The following SPATA17 variants were observed in gnomAD, a reference collection of about 807,000 sequenced individuals.
SPATA17 encodes the protein spermatogenesis-associated protein 17.
A neutral mutation model predicts 62.2 loss-of-function variants in SPATA17; 53 were observed. That is an observed-to-expected ratio of 0.85 (90% CI 0.68 to 1.07). SPATA17 has a LOEUF of 1.07. Ranked by LOEUF, SPATA17 falls within the 50% of genes least tolerant of loss-of-function variation. The pLI is 0.00. For synonymous variants in SPATA17, 146 were observed against 146.8 expected (o/e 0.99, Z 0.04); for missense variants, 466 against 425.5 (o/e 1.10, Z -0.84).
Position 217,835,257 on chromosome 1 carries a change from T to C in SPATA17, c.1006-27517T>C, listed in dbSNP as rs74766183. Among the ~76,000 whole-genome samples the C allele has an allele frequency of 5.1e-3, 783 of 152,284 alleles. 8 individuals are homozygous for C. The highest frequency in any genetic ancestry group is 0.018 in the African/African-American group (751 of 41,572). ...TTGTACTTAAGTCATTGCATTTATG[T>C]GTTTCGGGGTCTGCATTGTTGATGT... On this transcript the variant is annotated intron_variant, in intron 9 of 10. Transcript: ENST00000366933.
chr1:217,763,186 G>T (rs1425830065), intron 6 of SPATA17, among the ~76,000 whole-genome samples: 2 of 152,134 alleles, frequency 1.3e-5, no homozygotes, highest in Non-Finnish European at 2.9e-5. Context: ...CTGGACTTGG[G>T]GAGATAGACA....
chr1:217,643,732 ATAAT>A (rs771249044), intron 1 of SPATA17, among the ~76,000 whole-genome samples: 6 of 148,090 alleles, frequency 4.1e-5, no homozygotes, highest in African/African-American at 4.9e-5. Context: ...ATATATATAT[ATAAT>A]TTTTTTTTTT....
In SPATA17 at chr1:217,772,278, T is replaced by A. The variant is rs1673467621; in HGVS notation, c.520-2056T>A. ...CTGTTATAGTGAGAACATGTTAACATGACATTAAAAATGGTTTATATAACT... is the reference window on the plus strand; with the variant it reads ...CTGTTATAGTGAGAACATGTTAACAAGACATTAAAAATGGTTTATATAACT... On this transcript the variant is annotated intron_variant, in intron 6 of 10. Transcript: ENST00000366933. Among the ~76,000 whole-genome samples the A allele has an allele frequency of 2.0e-5, 3 of 152,194 alleles. No homozygotes were observed. The South Asian group carries it at 6.2e-4, about 31-fold the overall frequency.
At chr1:217,686,739 A>T (rs1671224942) in intron 5 of SPATA17, among the ~76,000 whole-genome samples, 1 of 152,184 alleles carries the variant, frequency 6.6e-6, no homozygotes, top group African/African-American at 2.4e-5. Context: ...TAATTTTTTG[A>T]GACGGAGTCA....
At chr1:217,713,896 A>G (rs189096916) in intron 5 of SPATA17, among the ~76,000 whole-genome samples, 3 of 152,188 alleles carry the variant, frequency 2.0e-5, no homozygotes, top group South Asian at 2.1e-4. Flanking sequence ...AGAGAATAAA[A>G]GTTTCTCAGT....
At chr1:217,715,324 G>T (rs1233399795) in intron 5 of SPATA17, among the ~76,000 whole-genome samples, 3 of 152,068 alleles carry the variant, frequency 2.0e-5, no homozygotes, top group Non-Finnish European at 4.4e-5. Flanking sequence ...TCTCAGAAGT[G>T]GCAACACCTT....
intron 6 of SPATA17, among the ~76,000 whole-genome samples, chr1:217,754,099 G>A (rs968006845): frequency 6.6e-6 from 1 of 152,044 alleles, no homozygotes; most frequent in Admixed American, 6.6e-5. Context: ...AGGCAAGGTG[G>A]TGCATGCCTG....
chr1:217,727,065 T>C (rs138018809), intron 5 of SPATA17, among the ~76,000 whole-genome samples: 64 of 151,902 alleles, frequency 4.2e-4, no homozygotes, highest in African/African-American at 1.3e-3. Flanking sequence ...CTGACCAACA[T>C]GGAGAAACCC....
chr1:217,840,389 G>A (rs1367474383), intron 9 of SPATA17, among the ~76,000 whole-genome samples: 1 of 152,024 alleles, frequency 6.6e-6, no homozygotes, highest in Non-Finnish European at 1.5e-5. Flanking sequence ...TCACTTTTAA[G>A]CCTCAGAACT....
intron 6 of SPATA17, among the ~76,000 whole-genome samples, chr1:217,759,334 C>T (rs954574796): frequency 1.3e-4 from 20 of 152,050 alleles, no homozygotes; most frequent in African/African-American, 4.8e-4. Context: ...TAGCAGGTGC[C>T]TATAATCCCA....
intron 9 of SPATA17, among the ~76,000 whole-genome samples, chr1:217,854,355 T>C (rs904549975): frequency 6.6e-6 from 1 of 152,150 alleles, no homozygotes; most frequent in Non-Finnish European, 1.5e-5. Context: ...AACCTGTGAA[T>C]AGTGAGGATC....
Position 217,782,322 on chromosome 1 carries a change from T to A in SPATA17, c.872T>A (p.Met291Lys). 6.2e-7 allele frequency: 1 copy of A among 1,600,256 alleles called. No individual in the cohort carries two copies. Among genetic ancestry groups the A allele is most frequent in the Non-Finnish European group, 8.5e-7 (1 of 1,175,072 alleles). ...TGGCTGCAAAATGTAAATGACAATA[T>A]GTGAGTTCTTAGCTTAACAAAAATA... ...EEWLQNVNDN[M>K]FLPFSSYHKN... The change falls in exon 8 of 11, where the codon ATG becomes AAG. Residue 291 changes from methionine (M) to lysine (K), a missense_variant and splice_region_variant. By Grantham distance (95) the Met-to-Lys change is moderately conservative. Transcript: ENST00000366933.
intron 8 of SPATA17, among the ~76,000 whole-genome samples, chr1:217,790,083 C>T (rs778474470): frequency 5.9e-5 from 9 of 152,006 alleles, no homozygotes; most frequent in African/African-American, 1.7e-4. Flanking sequence ...AAATGTTAAC[C>T]GGTTAGGGGG....
chr1:217,670,450 G>T (rs1220770813), intron 4 of SPATA17, among the ~76,000 whole-genome samples: 1 of 152,116 alleles, frequency 6.6e-6, no homozygotes, highest in Non-Finnish European at 1.5e-5. Context: ...GCTTATTAAG[G>T]TTTCTTTTAC....
chr1:217,668,980 G>T, intron 3 of SPATA17, 53 bp from the exon 4 acceptor site: 1 of 1,421,714 alleles, frequency 7.0e-7, no homozygotes, highest in Non-Finnish European at 9.9e-7. Flanking sequence ...AAAATAGGCT[G>T]CACTGTCTTT....
intron 10 of SPATA17, chr1:217,866,697 A>C (rs1001324189): frequency 1.3e-5 from 2 of 152,122 alleles, no homozygotes; most frequent in African/African-American, 4.8e-5. Flanking sequence ...GTTCATGAAG[A>C]TCTGCAGTAG....
At chr1:217,791,302 A>G (rs1673990772) in intron 8 of SPATA17, among the ~76,000 whole-genome samples, 1 of 152,238 alleles carries the variant, frequency 6.6e-6, no homozygotes, top group African/African-American at 2.4e-5. Flanking sequence ...TGCCTCTCCC[A>G]GCTAATTTCC....
At chr1:217,800,511 T>C (rs1471137126) in intron 8 of SPATA17, among the ~76,000 whole-genome samples, 2 of 152,194 alleles carry the variant, frequency 1.3e-5, no homozygotes, top group African/African-American at 4.8e-5. Flanking sequence ...TAAATTTTTC[T>C]GAGAATAGGC....
chr1:217,781,388 C>A (rs1571801759), intron 7 of SPATA17: 1 of 152,214 alleles, frequency 6.6e-6, no homozygotes, highest in Admixed American at 6.5e-5. Flanking sequence ...AACCAATATG[C>A]AATTAATGGC....
Sources: allele counts gnomAD v4.1 joint callset (sites outside exome capture counted in the v4.1 genomes callset), GRCh38; gene constraint gnomAD v4.1.1; transcripts MANE v1.5; gene names NCBI Gene and HGNC (gene_info 2026-07-23, HGNC 2026-07-21).